The following FKTN variants were observed in gnomAD, a reference collection of about 807,000 sequenced individuals.
FKTN encodes ribitol-5-phosphate transferase FKTN.
In FKTN, 47 loss-of-function variants were observed where a neutral mutation model predicts 58.6. That is an observed-to-expected ratio of 0.80 (90% CI 0.63 to 1.02). The LOEUF (loss-of-function observed/expected upper bound fraction) is 1.02. Among genes scored for constraint, FKTN ranks in the 50% least tolerant of loss-of-function variants. FKTN has a pLI of 0.00. For synonymous variants in FKTN, 178 were observed against 191.9 expected (o/e 0.93, Z 0.60); for missense variants, 516 against 537.3 (o/e 0.96, Z 0.39).
intron 6 of FKTN, 27 bp downstream of exon 6, chr9:105,604,519 G>A (rs1828511820): frequency 6.3e-7 from 1 of 1,581,366 alleles, no homozygotes; most frequent in Non-Finnish European, 8.7e-7. Context: ...AACGTGAAAT[G>A]TGAAATGAGT....
intron 7 of FKTN, among the ~76,000 whole-genome samples, chr9:105,613,678 G>C (rs1018807495): frequency 6.6e-6 from 1 of 152,192 alleles, no homozygotes; most frequent in African/African-American, 2.4e-5. Context: ...CAGTCTAGTG[G>C]AGGGAATATA....
At chr9:105,563,201 C>A (rs62575111) in intron 1 of FKTN, among the ~76,000 whole-genome samples, 14,803 of 152,264 alleles carry the variant, frequency 0.097, 1,006 homozygotes, top group Non-Finnish European at 0.15. Flanking sequence ...AGGAACAGCT[C>A]CAGTCTACAG....
rs567766937 is a variant in FKTN at position 105,583,316 on chromosome 9, C to G, written c.105+8179C>G. On this transcript the variant is annotated intron_variant, in intron 3 of 10. Transcript: ENST00000357998. The stretch of plus-strand genomic sequence containing the variant: ...GCAAAAACATTGAGGTTTTGAGAGA[C>G]TTACTAATTTTCCCAATATCACATA... Among the ~76,000 whole-genome samples, 4 of 152,240 alleles carry G rather than the reference C, an allele frequency of 2.6e-5. No homozygotes were observed. In the South Asian group the frequency reaches 8.3e-4, roughly 32 times the overall value.
chr9:105,632,934 T>C (rs1047455494), intron 10 of FKTN, among the ~76,000 whole-genome samples: 1 of 152,194 alleles, frequency 6.6e-6, no homozygotes, highest in Non-Finnish European at 1.5e-5. Flanking sequence ...TGCAGACCCA[T>C]GGTGTATTTT....
At chr9:105,599,784 G>A (rs556634456) in intron 4 of FKTN, among the ~76,000 whole-genome samples, 4 of 152,262 alleles carry the variant, frequency 2.6e-5, no homozygotes, top group Admixed American at 6.5e-5. Flanking sequence ...GATTACAGGC[G>A]TGAGAAGTTT....
At chr9:105,630,141 G>A (rs990453739) in intron 10 of FKTN, among the ~76,000 whole-genome samples, 3 of 151,994 alleles carry the variant, frequency 2.0e-5, no homozygotes, top group Admixed American at 1.3e-4. Context: ...CATGGCACAT[G>A]TATACATATG....
intron 10 of FKTN, among the ~76,000 whole-genome samples, chr9:105,631,089 C>T (rs538110357): frequency 6.6e-6 from 1 of 152,228 alleles, no homozygotes; most frequent in Non-Finnish European, 1.5e-5. Flanking sequence ...GCTGAGGTCG[C>T]ACCACTGTAC....
At chr9:105,561,314 A>G (rs1426556033) in intron 1 of FKTN, among the ~76,000 whole-genome samples, 2 of 152,020 alleles carry the variant, frequency 1.3e-5, no homozygotes, top group South Asian at 2.1e-4. Context: ...AAATGGGGAG[A>G]CATTAACATA....
At chr9:105,608,636 TC>T (rs1256516614) in intron 7 of FKTN, among the ~76,000 whole-genome samples, 1 of 152,210 alleles carries the variant, frequency 6.6e-6, no homozygotes, top group Non-Finnish European at 1.5e-5. Context: ...TTTCTGGGGT[TC>T]CCTGCCAAGA....
chr9:105,603,479 A>C (rs1000334530), intron 5 of FKTN, among the ~76,000 whole-genome samples: 2 of 152,182 alleles, frequency 1.3e-5, no homozygotes, highest in Non-Finnish European at 2.9e-5. Context: ...TTGGGATGTA[A>C]ACTATGAGAT....
rs368562923 is a variant in FKTN at position 105,588,115 on chromosome 9, A to G, written c.106-8483A>G. 1.2e-3 allele frequency among the ~76,000 whole-genome samples: 176 copies of G among 152,352 alleles called. 1 individual carries two copies. The highest frequency in any genetic ancestry group is 2.2e-3 in the Admixed American group (34 of 15,296). On this transcript the variant is annotated intron_variant, in intron 3 of 10. Coordinates refer to ENST00000357998, the MANE Select transcript of FKTN (RefSeq NM_001079802.2). The stretch of plus-strand genomic sequence containing the variant: ...TTAGGAATTTGGTTTGAGGGTTTCT[A>G]TAAGAAACACTGTTGGATACTGCAT...
intron 10 of FKTN, among the ~76,000 whole-genome samples, chr9:105,629,967 C>T (rs185208259): frequency 1.3e-5 from 2 of 152,254 alleles, no homozygotes; most frequent in East Asian, 3.9e-4. Flanking sequence ...ACTGCATGTT[C>T]TCACTTATAG....
intron 3 of FKTN, among the ~76,000 whole-genome samples, chr9:105,587,474 T>G (rs1027887927): frequency 2.0e-5 from 3 of 152,214 alleles, no homozygotes; most frequent in African/African-American, 7.2e-5. Context: ...CTTGCTAAAA[T>G]TATGCAAGAA....
intron 10 of FKTN, among the ~76,000 whole-genome samples, chr9:105,629,723 G>A (rs898399548): frequency 2.6e-5 from 4 of 152,120 alleles, no homozygotes; most frequent in Non-Finnish European, 5.9e-5. Flanking sequence ...TATACATGCT[G>A]CTCTAAAGAC....
chr9:105,636,867 A>G lies in FKTN; in HGVS notation c.*1603A>G. ...TTACAACCACCCATTCCGGATTTGT[A>G]AAGCAACATGAAAACCTTTGATAAA... On this transcript the variant is annotated 3_prime_UTR_variant, in exon 11 of 11. Coordinates refer to ENST00000357998, the MANE Select transcript of FKTN (RefSeq NM_001079802.2). 8.9e-7 allele frequency: 1 copy of G among 1,129,712 alleles called. No homozygotes were observed. The highest frequency in any genetic ancestry group is 1.1e-6 in the Non-Finnish European group (1 of 891,830). 70.0% of individuals were successfully genotyped at this position (1,129,712 alleles called of 1,614,324 possible).
intron 10 of FKTN, among the ~76,000 whole-genome samples, chr9:105,623,448 A>G (rs771441721): frequency 6.6e-6 from 1 of 152,172 alleles, no homozygotes; most frequent in Non-Finnish European, 1.5e-5. Context: ...CATGATCTCT[A>G]TCATGTTGTT....
intron 5 of FKTN, among the ~76,000 whole-genome samples, chr9:105,602,159 A>G (rs1278598598): frequency 2.6e-5 from 4 of 152,222 alleles, no homozygotes; most frequent in Non-Finnish European, 4.4e-5. Context: ...CATTGACATG[A>G]CTATTGTATT....
chr9:105,618,176 A>G, intron 9 of FKTN, 84 bp downstream of exon 9: 2 of 1,064,154 alleles, frequency 1.9e-6, no homozygotes, highest in Non-Finnish European at 2.9e-6. Context: ...TATGGTTAAG[A>G]ATGCTACATA....
chr9:105,569,430 TC>T (rs942268418), intron 1 of FKTN, among the ~76,000 whole-genome samples: 2 of 152,128 alleles, frequency 1.3e-5, no homozygotes, highest in East Asian at 1.9e-4. Flanking sequence ...CTAGTTTTTT[TC>T]CAAGCCTTTT....
Sources: allele counts gnomAD v4.1 joint callset (sites outside exome capture counted in the v4.1 genomes callset), GRCh38; gene constraint gnomAD v4.1.1; transcripts MANE v1.5; gene names NCBI Gene and HGNC (gene_info 2026-07-23, HGNC 2026-07-21).